The following SNX14 variants were observed in gnomAD, a reference collection of about 807,000 sequenced individuals.
SNX14 encodes sorting nexin-14.
SNX14 carries 93 observed loss-of-function variants against 133.8 expected under a neutral mutation model. The observed-to-expected ratio is 0.70, with a 90% confidence interval of 0.59 to 0.83. SNX14 has a LOEUF of 0.83. Ranked by LOEUF, SNX14 falls within the 40% of genes least tolerant of loss-of-function variation. The pLI is 0.00. For synonymous variants in SNX14, 368 were observed against 365.6 expected, an observed-to-expected ratio of 1.01 and a Z score of -0.07; for missense variants, 945 against 1,094.9, an observed-to-expected ratio of 0.86 and a Z score of 1.93.
At chr6:85,516,078 C>T (rs1774854016) in intron 23 of SNX14, among the ~76,000 whole-genome samples, 1 of 152,264 alleles carries the variant, frequency 6.6e-6, no homozygotes, top group East Asian at 1.9e-4. Flanking sequence ...AGCCACAAAT[C>T]AATGAGGTTC....
intron 28 of SNX14, among the ~76,000 whole-genome samples, chr6:85,506,827 CTAATT>C (rs1770882739): frequency 1.3e-5 from 2 of 152,154 alleles, no homozygotes; most frequent in Non-Finnish European, 2.9e-5. Flanking sequence ...TGACCATGCT[CTAATT>C]TTAGTTCATT....
At chr6:85,563,297 A>G (rs145795463) in intron 6 of SNX14, among the ~76,000 whole-genome samples, 238 of 152,368 alleles carry the variant, frequency 1.6e-3, no homozygotes, top group African/African-American at 5.1e-3. Flanking sequence ...GAACTGACAA[A>G]GCAGTAGAAA....
At chr6:85,534,810 C>G (rs1350042796) in intron 17 of SNX14, among the ~76,000 whole-genome samples, 1 of 141,576 alleles carries the variant, frequency 7.1e-6, no homozygotes, top group Admixed American at 7.4e-5. Flanking sequence ...AAAATGTAGT[C>G]TACAGGGGTG....
At chr6:85,571,998 A>T in intron 4 of SNX14, 139 bp downstream of exon 4, 2 of 647,366 alleles carry the variant, frequency 3.1e-6, no homozygotes, top group South Asian at 4.4e-5. Context: ...TTTAGTCTGC[A>T]ATAATCAACT....
intron 21 of SNX14, among the ~76,000 whole-genome samples, chr6:85,521,150 CTAATT>C (rs1776730798): frequency 6.6e-6 from 1 of 152,188 alleles, no homozygotes; most frequent in Non-Finnish European, 1.5e-5. Context: ...AAACATGATT[CTAATT>C]TGAGTTTCCC....
rs113570673 is a variant in SNX14, at chr6:85,534,785, T to C, written c.1609-985A>G. 4.3e-3 allele frequency among the ~76,000 whole-genome samples: 648 copies of C among 150,324 alleles called. 7 individuals carry two copies. The highest frequency in any genetic ancestry group is 0.015 in the African/African-American group (615 of 41,056). ...GTTATAATATCGAATAGAGAAAAGA[T>C]AGCAAACTATATATAAAATGTAGTC... On this transcript the variant is annotated intron_variant, in intron 17 of 28. Transcript: ENST00000314673.
At chr6:85,544,258 A>T (rs1021847408) in intron 12 of SNX14, among the ~76,000 whole-genome samples, 2 of 152,154 alleles carry the variant, frequency 1.3e-5, no homozygotes, top group African/African-American at 4.8e-5. Context: ...CCAAAATACC[A>T]ATTGCTTTTT....
At position 85,549,791 on chromosome 6, in the gene SNX14, C is replaced by T. The variant is rs1262461993; in HGVS notation, c.723G>A (p.Leu241=). The part of the protein sequence containing the change: ...HVALRSRRDE[L]HYLRKLTELL... ...GTTCAGTAAGTTTCCTTAAATAGTG[C>T]AATTCATCTCTTCGACTTCTCAAAG... The change falls in exon 8 of 29, where the codon TTG becomes TTA. Residue 241 remains leucine, a synonymous_variant. Transcript: ENST00000314673. 1 of 1,613,832 alleles carries T rather than the reference C, an allele frequency of 6.2e-7. No individual in the cohort carries two copies. Among genetic ancestry groups the T allele is most frequent in the African/African-American group, 1.3e-5 (1 of 74,910 alleles).
At chr6:85,531,309 T>C (rs1026009299) in intron 18 of SNX14, among the ~76,000 whole-genome samples, 15 of 152,210 alleles carry the variant, frequency 9.9e-5, no homozygotes, top group Non-Finnish European at 1.6e-4. Context: ...TAACAATAAT[T>C]GTGTCTATCA....
At chr6:85,567,875 T>TG in intron 4 of SNX14, 1 of 194,924 alleles carries the variant, frequency 5.1e-6, no homozygotes, top group Non-Finnish European at 1.0e-5. Flanking sequence ...CCCAGCTATT[T>TG]GGGGGGCTGA....
chr6:85,584,352 G>A (rs771751498), intron 1 of SNX14, among the ~76,000 whole-genome samples: 11 of 152,076 alleles, frequency 7.2e-5, no homozygotes, highest in African/African-American at 1.7e-4. Flanking sequence ...AAGACTTCAC[G>A]ACTAAAACAC....
At chr6:85,554,872 T>C (rs1036739952) in intron 7 of SNX14, among the ~76,000 whole-genome samples, 13 of 151,970 alleles carry the variant, frequency 8.6e-5, no homozygotes, top group Non-Finnish European at 1.5e-4. Flanking sequence ...CAGGCTGGAG[T>C]GTAATTGGGT....
At position 85,593,559 on chromosome 6, in the gene SNX14, G is replaced by C; in HGVS notation, c.140+20C>G. On this transcript the variant is annotated intron_variant, in intron 1 of 28. Transcript: ENST00000314673. Reference sequence around the variant, plus strand: ...CCTTCGGAGAAAAGCCGCCGCCCAGGCTCCGCGCTGCGGCGTTACCTGTTA... The same window carrying C: ...CCTTCGGAGAAAAGCCGCCGCCCAGCCTCCGCGCTGCGGCGTTACCTGTTA... 6.3e-7 allele frequency: 1 copy of C among 1,599,136 alleles called. No homozygotes were observed. Among genetic ancestry groups the C allele is most frequent in the South Asian group, 1.1e-5 (1 of 88,972 alleles).
chr6:85,589,245 T>C (rs1324977946), intron 1 of SNX14: 1 of 188,858 alleles, frequency 5.3e-6, no homozygotes, highest in Non-Finnish European at 1.1e-5. Context: ...TTTTTTTTTT[T>C]TGAGATAGAG....
intron 15 of SNX14, among the ~76,000 whole-genome samples, chr6:85,541,177 G>A (rs1783615446): frequency 6.6e-6 from 1 of 152,072 alleles, no homozygotes; most frequent in African/African-American, 2.4e-5. Context: ...ATTTTTATTA[G>A]AGATGGGGTT....
At chr6:85,514,368 G>A in intron 24 of SNX14, 134 bp from the exon 25 acceptor site, 1 of 1,424,772 alleles carries the variant, frequency 7.0e-7, no homozygotes, top group Non-Finnish European at 9.5e-7. Flanking sequence ...TATGATCAAG[G>A]CCAATCGTAT....
At chr6:85,585,465 A>G (rs974850521) in intron 1 of SNX14, among the ~76,000 whole-genome samples, 4 of 152,214 alleles carry the variant, frequency 2.6e-5, no homozygotes, top group African/African-American at 9.6e-5. Flanking sequence ...GGGAAAAACA[A>G]TAAATCCAAA....
intron 26 of SNX14, among the ~76,000 whole-genome samples, chr6:85,511,901 C>T (rs1772962790): frequency 6.6e-6 from 1 of 152,164 alleles, no homozygotes; most frequent in Non-Finnish European, 1.5e-5. Context: ...AGAGGAACTG[C>T]TGCAAACAGG....
intron 1 of SNX14, among the ~76,000 whole-genome samples, chr6:85,578,071 A>G (rs1348021398): frequency 1.3e-5 from 2 of 152,184 alleles, no homozygotes; most frequent in African/African-American, 4.8e-5. Context: ...GTTTTTGATT[A>G]AAAACCTGAT....
Sources: gnomAD v4.1 joint callset for allele counts (sites outside exome capture counted in the v4.1 genomes callset) on GRCh38, gnomAD v4.1.1 for gene constraint, MANE v1.5 for transcripts, NCBI Gene and HGNC (gene_info 2026-07-23, HGNC 2026-07-21) for gene names.